The following ABCA13 variants were observed in gnomAD, a reference collection of about 807,000 sequenced individuals.
The protein encoded by ABCA13 is ATP-binding cassette sub-family A member 13.
ABCA13 carries 476 observed loss-of-function variants against 478.7 expected under a neutral mutation model. The ratio of observed to expected loss-of-function variants is 0.99; its 90% CI spans 0.92 to 1.07. The LOEUF (loss-of-function observed/expected upper bound fraction) is 1.07, where lower values mean the gene tolerates loss of function less well. Ranked by LOEUF, ABCA13 falls within the 50% of genes least tolerant of loss-of-function variation. The pLI is 0.00. For synonymous variants in ABCA13, 2,252 were observed against 2,158.9 expected, an observed-to-expected ratio of 1.04 and a Z score of -1.20; for missense variants, 6,060 against 5,910.6, an observed-to-expected ratio of 1.03 and a Z score of -0.83.
chr7:48,527,428 G>A (rs1157616943), intron 54 of ABCA13, among the ~76,000 whole-genome samples: 8 of 152,084 alleles, frequency 5.3e-5, no homozygotes, highest in African/African-American at 1.7e-4. Flanking sequence ...TCCATAGATC[G>A]CAGCTCCTAG....
intron 41 of ABCA13, among the ~76,000 whole-genome samples, chr7:48,417,199 C>A (rs554887483): frequency 3.3e-5 from 5 of 152,312 alleles, no homozygotes; most frequent in African/African-American, 1.2e-4. Context: ...ATTACTGGGT[C>A]CAGGGGATAA....
chr7:48,212,283 CA>C (rs1785781464), intron 3 of ABCA13, among the ~76,000 whole-genome samples: 1 of 152,190 alleles, frequency 6.6e-6, no homozygotes, highest in South Asian at 2.1e-4. Flanking sequence ...CTCAAGCACA[CA>C]GAATCTTTCT....
chr7:48,264,156 A>C (rs779356343), intron 15 of ABCA13, among the ~76,000 whole-genome samples: 3 of 151,942 alleles, frequency 2.0e-5, no homozygotes, highest in Non-Finnish European at 4.4e-5. Flanking sequence ...ACTGAGTACT[A>C]TTCCATCATA....
chr7:48,336,195 G>A (rs1282514404), intron 28 of ABCA13, among the ~76,000 whole-genome samples: 3 of 152,124 alleles, frequency 2.0e-5, no homozygotes, highest in African/African-American at 7.2e-5. Context: ...GAAGTTCTCT[G>A]TACCTTGAGT....
intron 5 of ABCA13, 105 bp from the exon 6 acceptor site, chr7:48,227,157 A>G: frequency 2.8e-6 from 3 of 1,073,386 alleles, no homozygotes; most frequent in South Asian, 2.9e-5. Context: ...AGTTTCTACT[A>G]GGAGAATGTC....
At chr7:48,525,607 T>C (rs995839439) in intron 54 of ABCA13, among the ~76,000 whole-genome samples, 3 of 150,906 alleles carry the variant, frequency 2.0e-5, no homozygotes, top group African/African-American at 7.3e-5. Context: ...AAAAAGAGTA[T>C]GACCCAATTA....
intron 38 of ABCA13, among the ~76,000 whole-genome samples, chr7:48,401,874 G>A (rs2129071900): frequency 6.6e-6 from 1 of 152,240 alleles, no homozygotes; most frequent in Middle Eastern, 3.4e-3. Context: ...TAAAAATACA[G>A]AGTGAACCAG....
At chr7:48,339,430 G>C (rs1483813336) in intron 29 of ABCA13, among the ~76,000 whole-genome samples, 1 of 152,124 alleles carries the variant, frequency 6.6e-6, no homozygotes, top group Non-Finnish European at 1.5e-5. Context: ...TCTGTTGCTG[G>C]AACCAAGGAC....
intron 31 of ABCA13, among the ~76,000 whole-genome samples, chr7:48,361,740 GTT>G (rs920131113): frequency 7.3e-5 from 11 of 151,466 alleles, no homozygotes; most frequent in African/African-American, 2.7e-4. Flanking sequence ...ACAATTTATT[GTT>G]TTCTAGATGC....
intron 57 of ABCA13, among the ~76,000 whole-genome samples, chr7:48,587,888 A>G (rs1029861446): frequency 6.6e-6 from 1 of 152,252 alleles, no homozygotes; most frequent in Non-Finnish European, 1.5e-5. Context: ...TGCATTTCAT[A>G]AAACAGCTAT....
chr7:48,451,058 C>T (rs180904998), intron 42 of ABCA13, among the ~76,000 whole-genome samples: 1,886 of 145,084 alleles, frequency 0.013, 35 homozygotes, highest in African/African-American at 0.046. Flanking sequence ...AGTGCAGTGG[C>T]GTGATCTTGG....
intron 20 of ABCA13, among the ~76,000 whole-genome samples, chr7:48,294,551 A>C (rs1174395118): frequency 2.7e-5 from 4 of 148,660 alleles, no homozygotes; most frequent in Non-Finnish European, 5.9e-5. Flanking sequence ...GGTTCACGCC[A>C]TTCTCCTGCC....
chr7:48,352,667 G>T (rs1156541849), intron 31 of ABCA13, among the ~76,000 whole-genome samples, 180 bp downstream of exon 31: 1 of 152,024 alleles, frequency 6.6e-6, no homozygotes, highest in Non-Finnish European at 1.5e-5. Context: ...TCAGGTAGAA[G>T]AAATATAATG....
In ABCA13 at chr7:48,645,519, A is replaced by C; in HGVS notation, c.*7A>C. 4 of 1,569,168 alleles carry C rather than the reference A, an allele frequency of 2.5e-6. No individual in the cohort carries two copies. Among genetic ancestry groups the C allele is most frequent in the Non-Finnish European group, 3.5e-6 (4 of 1,154,770 alleles). On this transcript the variant is annotated 3_prime_UTR_variant, in exon 62 of 62. Coordinates refer to ENST00000435803, the MANE Select transcript of ABCA13 (RefSeq NM_152701.5). ...ACATCACTTGCCCATCTGAGCACTA[A>C]AGAAGTTTCCATAAGGAATAAAACC...
intron 3 of ABCA13, among the ~76,000 whole-genome samples, chr7:48,217,570 A>T (rs889969094): frequency 1.3e-5 from 2 of 152,182 alleles, no homozygotes; most frequent in Admixed American, 6.5e-5. Flanking sequence ...CAAGTGTGAC[A>T]CTGCTTTAAA....
chr7:48,252,469 T>C (rs1429911829), intron 15 of ABCA13, among the ~76,000 whole-genome samples: 1 of 152,206 alleles, frequency 6.6e-6, no homozygotes, highest in Non-Finnish European at 1.5e-5. Flanking sequence ...ACCTGGAGTA[T>C]ACGGTTAGCC....
intron 48 of ABCA13, among the ~76,000 whole-genome samples, chr7:48,491,749 G>GTT (rs1211242668): frequency 1.3e-5 from 2 of 152,142 alleles, no homozygotes; most frequent in Non-Finnish European, 2.9e-5. Context: ...CACGAGCAGG[G>GTT]TTCTGATGAA....
intron 41 of ABCA13, among the ~76,000 whole-genome samples, chr7:48,423,149 G>A (rs875811): frequency 0.25 from 37,834 of 152,104 alleles, 4,774 homozygotes; most frequent in East Asian, 0.29. Context: ...CATGTCAGGG[G>A]ACAGCCCTGC....
rs974188857 is a variant in ABCA13 at position 48,374,274 on chromosome 7, T to TA, written c.11134-71dup. 1.8e-5 allele frequency: 25 copies of TA among 1,379,744 alleles called. No homozygotes were observed. The African/African-American group carries it at 3.1e-4, about 17-fold the overall frequency. 85.5% of individuals were successfully genotyped at this position (1,379,744 alleles called of 1,614,324 possible). A position where few individuals can be genotyped will look rare whatever the true frequency, so the allele number is the denominator to read the frequency against. ...GTTGTCATGGCTTCGCTCCTTGAAT[T>TA]AAGTGTTGTGGATTTTCTGTGGTCC... On this transcript the variant is annotated intron_variant, in intron 33 of 61. Coordinates refer to ENST00000435803, the MANE Select transcript of ABCA13 (RefSeq NM_152701.5).
Sources: allele counts gnomAD v4.1 joint callset (sites outside exome capture counted in the v4.1 genomes callset), GRCh38; gene constraint gnomAD v4.1.1; transcripts MANE v1.5; gene names NCBI Gene and HGNC (gene_info 2026-07-23, HGNC 2026-07-21).